TAF3: variants seen among roughly 807,000 people sequenced by gnomAD.
The protein encoded by TAF3 is transcription initiation factor TFIID subunit 3.
A neutral mutation model predicts 80.6 loss-of-function variants in TAF3; 7 were observed. The ratio of observed to expected loss-of-function variants is 0.09; its 90% CI spans 0.05 to 0.16. The LOEUF (loss-of-function observed/expected upper bound fraction) is 0.16, where lower values mean the gene tolerates loss of function less well. Among genes scored for constraint, TAF3 ranks in the 10% least tolerant of loss-of-function variants. The probability of loss-of-function intolerance (pLI) is 1.00; values close to 1 mark genes in which losing one functional copy is unlikely to be tolerated. For synonymous variants in TAF3, 444 were observed against 446.1 expected, an observed-to-expected ratio of 1.00 and a Z score of 0.06; for missense variants, 921 against 1,140.2, an observed-to-expected ratio of 0.81 and a Z score of 2.77.
intron 2 of TAF3, among the ~76,000 whole-genome samples, chr10:7,883,678 G>GT: frequency 6.6e-6 from 1 of 152,052 alleles, no homozygotes; most frequent in Admixed American, 6.5e-5. Context: ...ACATTTATCA[G>GT]TTGGCATTCT....
intron 2 of TAF3, among the ~76,000 whole-genome samples, chr10:7,918,067 G>A (rs186602490): frequency 2.2e-3 from 329 of 152,346 alleles, no homozygotes; most frequent in Admixed American, 3.6e-3. Flanking sequence ...TGGCATATTT[G>A]TATGCTCATG....
chr10:7,857,195 CT>C (rs1837089460), intron 2 of TAF3, among the ~76,000 whole-genome samples: 2 of 152,164 alleles, frequency 1.3e-5, no homozygotes, highest in South Asian at 4.1e-4. Context: ...GACTTTTTTG[CT>C]GAATTGGATA....
chr10:7,986,128 G>A (rs928698628), intron 4 of TAF3, among the ~76,000 whole-genome samples: 1 of 151,908 alleles, frequency 6.6e-6, no homozygotes, highest in Admixed American at 6.6e-5. Flanking sequence ...TTCTTTTATG[G>A]ACTTATTTTT....
intron 3 of TAF3, among the ~76,000 whole-genome samples, chr10:7,973,924 T>C (rs1246097050): frequency 6.6e-6 from 1 of 152,006 alleles, no homozygotes; most frequent in African/African-American, 2.4e-5. Context: ...GATCAGGAGT[T>C]TGAGACCACC....
At position 7,847,610 on chromosome 10, in the gene TAF3, AT is replaced by A. The variant is rs902076451; in HGVS notation, c.409+23059del. ...AGGCATGTGTTACCACATCCAGCTA[AT>A]TTTTTTTTATTTCTGTAGAGACAGA... On this transcript the variant is annotated intron_variant, in intron 2 of 6. Transcript: ENST00000344293. Among the ~76,000 whole-genome samples, 11 of 151,474 alleles carry A rather than the reference AT, an allele frequency of 7.3e-5. No individual in the cohort carries two copies. In the Middle Eastern group the frequency reaches 0.014, roughly 189 times the overall value.
chr10:7,992,400 A>C (rs1195486517), intron 4 of TAF3, among the ~76,000 whole-genome samples: 1 of 152,216 alleles, frequency 6.6e-6, no homozygotes, highest in Non-Finnish European at 1.5e-5. Flanking sequence ...TTTGGATCAG[A>C]TGTTAATTCT....
At chr10:7,947,638 G>A (rs1387016204) in intron 2 of TAF3, among the ~76,000 whole-genome samples, 1 of 152,198 alleles carries the variant, frequency 6.6e-6, no homozygotes, top group Non-Finnish European at 1.5e-5. Context: ...CTGCGAGAGC[G>A]TTGGGGAGAA....
chr10:7,965,384 A>T lies in TAF3; in HGVS notation c.1874A>T (p.Lys625Ile), dbSNP rs1404955322. 6.2e-7 allele frequency: 1 copy of T among 1,608,458 alleles called. No homozygotes were observed. Among genetic ancestry groups the T allele is most frequent in the Non-Finnish European group, 8.5e-7 (1 of 1,178,678 alleles). Residue 625 changes from lysine to isoleucine, a missense_variant, in exon 3 of 7, where the codon AAA becomes ATA. Transcript: ENST00000344293. ...AAAGATAAGAAGAAAGATAGAGAGA[A>T]AGGCAAGAAAGATAAAGATAAGAGA... is the stretch of plus-strand genomic sequence containing the variant. Reference protein sequence around the residue: ...KHKDKKKDREKGKKDKDKREK... With the variant: ...KHKDKKKDREIGKKDKDKREK...
chr10:7,943,136 C>G (rs904312610), intron 2 of TAF3, among the ~76,000 whole-genome samples: 1 of 152,166 alleles, frequency 6.6e-6, no homozygotes, highest in African/African-American at 2.4e-5. Context: ...GGTTCCGGTT[C>G]CCTGTAGCTC....
chr10:7,943,459 C>T (rs996222353), intron 2 of TAF3, among the ~76,000 whole-genome samples: 1 of 152,148 alleles, frequency 6.6e-6, no homozygotes, highest in African/African-American at 2.4e-5. Flanking sequence ...GTGGGAGCCC[C>T]TCTTTTGCCA....
At chr10:7,843,685 A>ATTGTG (rs899085235) in intron 2 of TAF3, among the ~76,000 whole-genome samples, 3 of 148,906 alleles carry the variant, frequency 2.0e-5, no homozygotes, top group African/African-American at 7.4e-5. Context: ...TCGTTGGATA[A>ATTGTG]TTGTGTTGCT....
chr10:7,972,018 C>T (rs1325852067), intron 3 of TAF3, among the ~76,000 whole-genome samples: 1 of 152,192 alleles, frequency 6.6e-6, no homozygotes, highest in Non-Finnish European at 1.5e-5. Flanking sequence ...TAGTAATCCA[C>T]TGTAAATGCT....
At chr10:7,987,294 C>G (rs1177497303) in intron 4 of TAF3, among the ~76,000 whole-genome samples, 1 of 151,864 alleles carries the variant, frequency 6.6e-6, no homozygotes, top group Non-Finnish European at 1.5e-5. Flanking sequence ...CCAGCTTGGG[C>G]AATAGGAGTG....
At chr10:7,874,425 A>G (rs1348633766) in intron 2 of TAF3, among the ~76,000 whole-genome samples, 1 of 152,164 alleles carries the variant, frequency 6.6e-6, no homozygotes, top group Non-Finnish European at 1.5e-5. Flanking sequence ...TTTCCTGCAT[A>G]AATCAGATTT....
intron 3 of TAF3, among the ~76,000 whole-genome samples, chr10:7,967,671 T>C (rs1195439876): frequency 6.6e-6 from 1 of 152,236 alleles, no homozygotes; most frequent in Non-Finnish European, 1.5e-5. Flanking sequence ...GGGTAAGTCA[T>C]TTATATAAGG....
intron 4 of TAF3, among the ~76,000 whole-genome samples, chr10:8,002,451 T>G (rs1214585633): frequency 2.0e-5 from 3 of 152,190 alleles, no homozygotes; most frequent in Admixed American, 6.5e-5. Context: ...GTTTCTTAGT[T>G]TGAATTCTAA....
chr10:8,003,654 AG>A (rs1831965900), intron 4 of TAF3, among the ~76,000 whole-genome samples: 1 of 152,266 alleles, frequency 6.6e-6, no homozygotes, highest in South Asian at 2.1e-4. Context: ...GCAGCATTAA[AG>A]AAGAACTTAC....
intron 2 of TAF3, among the ~76,000 whole-genome samples, chr10:7,908,937 G>A (rs957131964): frequency 1.3e-5 from 2 of 152,236 alleles, no homozygotes; most frequent in Non-Finnish European, 2.9e-5. Context: ...CCCAGAACTT[G>A]CATTTCTAGC....
At chr10:7,937,864 G>A (rs971382415) in intron 2 of TAF3, among the ~76,000 whole-genome samples, 1 of 152,152 alleles carries the variant, frequency 6.6e-6, no homozygotes, top group African/African-American at 2.4e-5. Flanking sequence ...TGTCGGCAAA[G>A]GAACAGTGAG....
Sources: gnomAD v4.1 joint callset for allele counts (sites outside exome capture counted in the v4.1 genomes callset) on GRCh38, gnomAD v4.1.1 for gene constraint, MANE v1.5 for transcripts, NCBI Gene and HGNC (gene_info 2026-07-23, HGNC 2026-07-21) for gene names.